Variants in THOC2 observed in about 807,000 individuals in gnomAD.
THOC2 encodes the protein THO complex 2.
In THOC2, 10 loss-of-function variants were observed where a neutral mutation model predicts 128.4. The observed-to-expected ratio is 0.08, with a 90% CI of 0.05 to 0.13. THOC2 has a LOEUF of 0.13. Ranked by LOEUF, THOC2 falls within the 10% of genes least tolerant of loss-of-function variation. The pLI is 1.00. For missense variants in THOC2, 535 were observed against 1,155.7 expected (o/e 0.46, Z 7.79); for synonymous variants, 393 against 396.9 (o/e 0.99, Z 0.12).
intron 19 of THOC2, among the ~76,000 whole-genome samples, chrX:123,635,490 T>C (rs758714301): frequency 8.9e-6 from 1 of 112,043 alleles, no homozygotes; most frequent in South Asian, 3.7e-4. Context: ...GGTTCTTTGA[T>C]TCTAGTCAGT....
In THOC2 at chrX:123,667,495, T is replaced by C. The variant is rs148322015; in HGVS notation, c.1018-217A>G. On this transcript the variant is annotated intron_variant, in intron 10 of 38. Transcript: ENST00000245838. ...GGCTCACACCTATAGTCCAGGAACA[T>C]GGGAGGCTGAGGTAGGCAGATCACT... Among the ~76,000 whole-genome samples the C allele has an allele frequency of 5.7e-3, 638 of 111,498 alleles. 4 individuals are homozygous for C. The highest frequency in any genetic ancestry group is 0.023 in the Middle Eastern group (5 of 216).
chrX:123,661,820 C>T (rs1393799943), intron 12 of THOC2, among the ~76,000 whole-genome samples: 2 of 111,792 alleles, frequency 1.8e-5, no homozygotes, highest in African/African-American at 6.5e-5. Flanking sequence ...TAGGGAGACT[C>T]TGTCTCTACA....
intron 1 of THOC2, among the ~76,000 whole-genome samples, chrX:123,731,022 C>A (rs2148010841): frequency 8.9e-6 from 1 of 112,495 alleles, no homozygotes; most frequent in South Asian, 3.7e-4. Context: ...AACATAACAG[C>A]CCCTAAATAA....
intron 15 of THOC2, 28 bp from the exon 16 acceptor site, chrX:123,640,650 A>G: frequency 1.1e-6 from 1 of 939,899 alleles, no homozygotes; most frequent in Non-Finnish European, 1.5e-6. Flanking sequence ...GGTGGCACGG[A>G]TCATCTTAAG....
rs759270626 is a variant in THOC2 at position 123,614,070 on chromosome X, GTCCTTT to G, written c.4425_4430del (p.Glu1475_Lys1476del). 2.5e-6 allele frequency: 3 copies of G among 1,204,444 alleles called. No homozygotes were observed. In the East Asian group the frequency reaches 8.9e-5, roughly 36 times the overall value. On this transcript the variant is annotated inframe_deletion, in exon 34 of 39. Coordinates refer to ENST00000245838, the MANE Select transcript of THOC2 (RefSeq NM_001081550.2). ...TACAAACCCTTTTCCGCTCTTTCCTGTCCTTTTCATCTTTTTTCTCTCTTTCTCTGG... is the reference window on the plus strand; with the variant it reads ...TACAAACCCTTTTCCGCTCTTTCCTGTCATCTTTTTTCTCTCTTTCTCTGG...
At chrX:123,611,748 T>C (rs933406426) in intron 36 of THOC2, among the ~76,000 whole-genome samples, 1 of 101,550 alleles carries the variant, frequency 9.8e-6, no homozygotes, top group African/African-American at 3.6e-5. Flanking sequence ...CCTATAGAAC[T>C]GGAGAAAAAA....
In THOC2 at chrX:123,644,791, G is replaced by A; in HGVS notation, c.1547C>T (p.Pro516Leu). 8.3e-7 allele frequency: 1 copy of A among 1,198,999 alleles called. No individual in the cohort carries two copies. The highest frequency in any genetic ancestry group is 1.8e-5 in the South Asian group (1 of 54,920). Residue 516 changes from proline to leucine, a missense_variant, in exon 14 of 39, where the codon CCA (proline) becomes CTA (leucine). Physicochemically the swap from Pro to Leu is moderately conservative, Grantham distance 98. Transcript: ENST00000245838. The part of the protein sequence containing the change: ...EELWGMFKTF[P>L]YQHRYRLYGQ... ...AATATGTATTTACCTATGCTGATAT[G>A]GAAATGTTTTAAACATTCCCCATAG...
Position 123,671,771 on chromosome X carries a change from T to TA in THOC2, c.769-11dup, listed in dbSNP as rs201356571. On this transcript the variant is annotated splice_polypyrimidine_tract_variant and intron_variant, in intron 8 of 38. Transcript: ENST00000245838. Reference sequence around the variant, plus strand: ...TCTCGCCATTTGGTTCCTAGAAATATAAAAAAAAAAGTTTCCATTTAGTGC... The same window carrying TA: ...TCTCGCCATTTGGTTCCTAGAAATATAAAAAAAAAAAGTTTCCATTTAGTGC... The TA allele has an allele frequency of 4.5e-3, 4,525 of 1,006,010 alleles. 10 individuals carry two copies. Among genetic ancestry groups the TA allele is most frequent in the South Asian group, 0.018 (743 of 40,341 alleles). The allele number at this position is 1,006,010 out of a possible 1,213,427, so 82.9% of individuals were successfully genotyped here.
At chrX:123,712,263 CAT>C (rs1385598207) in intron 2 of THOC2, among the ~76,000 whole-genome samples, 4 of 111,829 alleles carry the variant, frequency 3.6e-5, no homozygotes, top group East Asian at 2.8e-4. Context: ...GCCAAATCCA[CAT>C]GTCTAATTTT....
chrX:123,653,476 C>A (rs2048443162), intron 12 of THOC2, among the ~76,000 whole-genome samples: 1 of 111,264 alleles, frequency 9.0e-6, no homozygotes. Context: ...TCAGAATGAA[C>A]AAGCAACCTA....
chrX:123,702,620 A>T (rs1160788431), intron 4 of THOC2, among the ~76,000 whole-genome samples: 2 of 105,060 alleles, frequency 1.9e-5, no homozygotes, highest in Non-Finnish European at 3.9e-5. Flanking sequence ...GTGTATATAC[A>T]TATATTTTAT....
chrX:123,638,750 A>ACTCT lies in THOC2; in HGVS notation c.1840+180_1840+183dup, dbSNP rs1190063571. ...CGTACACACACACACACACACACAC[A>ACTCT]CTCTCTCTCTCTCTCACATACACAC... On this transcript the variant is annotated intron_variant, in intron 17 of 38. Coordinates refer to ENST00000245838, the MANE Select transcript of THOC2 (RefSeq NM_001081550.2). Among the ~76,000 whole-genome samples, 691 of 99,174 alleles carry ACTCT rather than the reference A, an allele frequency of 7.0e-3. 4 individuals are homozygous for ACTCT. Among genetic ancestry groups the ACTCT allele is most frequent in the African/African-American group, 0.024 (650 of 26,672 alleles). 86.1% of individuals were successfully genotyped at this position (99,174 alleles called of 115,157 possible).
At chrX:123,692,317 C>A (rs1165416891) in intron 7 of THOC2, among the ~76,000 whole-genome samples, 1 of 111,243 alleles carries the variant, frequency 9.0e-6, no homozygotes, top group East Asian at 2.8e-4. Flanking sequence ...CAATAGTCTA[C>A]TGTTCACTAT....
At chrX:123,619,003 G>T (rs770102942) in intron 33 of THOC2, among the ~76,000 whole-genome samples, 32 of 111,804 alleles carry the variant, frequency 2.9e-4, no homozygotes, top group Non-Finnish European at 4.9e-4. Context: ...TTATTTTTTG[G>T]TATTTTGGGT....
At chrX:123,623,652 G>A in intron 28 of THOC2, 135 bp downstream of exon 28, 1 of 1,170,419 alleles carries the variant, frequency 8.5e-7, no homozygotes, top group Non-Finnish European at 1.1e-6. Context: ...ACCAGCCTGT[G>A]GAAACATGAT....
At chrX:123,653,723 C>T (rs2048453773) in intron 12 of THOC2, among the ~76,000 whole-genome samples, 1 of 112,119 alleles carries the variant, frequency 8.9e-6, no homozygotes, top group Non-Finnish European at 1.9e-5. Context: ...GATACCATCT[C>T]ACACCAGTTA....
Position 123,626,167 on chromosome X carries a change from A to G in THOC2, c.2900-98T>C, listed in dbSNP as rs1292283017. 5 of 563,619 alleles carry G rather than the reference A, an allele frequency of 8.9e-6. No homozygotes were observed. The African/African-American group carries it at 1.2e-4, about 13-fold the overall frequency. The allele number at this position is 563,619 out of a possible 1,213,427, so 46.4% of individuals were successfully genotyped here. Reference sequence around the variant, plus strand: ...ACATATTACCTTTAGTGAAGAGAATACTATAAACCACAAACTATTTATAGT... The same window carrying G: ...ACATATTACCTTTAGTGAAGAGAATGCTATAAACCACAAACTATTTATAGT... On this transcript the variant is annotated intron_variant, in intron 24 of 38. Transcript: ENST00000245838.
At chrX:123,666,479 G>A (rs749038652) in intron 11 of THOC2, among the ~76,000 whole-genome samples, 121 of 111,313 alleles carry the variant, frequency 1.1e-3, no homozygotes, top group Non-Finnish European at 2.0e-3. Context: ...TGACACTGAC[G>A]GCAGCAACCA....
At chrX:123,603,884 A>G (rs1323811081) in intron 38 of THOC2, 2 of 143,837 alleles carry the variant, frequency 1.4e-5, no homozygotes, top group Non-Finnish European at 2.7e-5. Context: ...ACTGCCCCCA[A>G]GTTTACTGAA....
Sources: allele counts gnomAD v4.1 joint callset (sites outside exome capture counted in the v4.1 genomes callset), GRCh38; gene constraint gnomAD v4.1.1; transcripts MANE v1.5; gene names NCBI Gene and HGNC (gene_info 2026-07-23, HGNC 2026-07-21).